DCC: variants seen among roughly 807,000 people sequenced by gnomAD.
The protein encoded by DCC is netrin receptor DCC.
DCC carries 58 observed loss-of-function variants against 172.5 expected under a neutral mutation model. The observed-to-expected ratio is 0.34, with a 90% CI of 0.27 to 0.42. The LOEUF (loss-of-function observed/expected upper bound fraction) is 0.42. DCC is among the 10% of genes least tolerant of loss of function. The pLI, the probability that DCC is intolerant of heterozygous loss-of-function variation, is 1.00. For synonymous variants in DCC, 709 were observed against 644.5 expected (o/e 1.10, Z -1.52); for missense variants, 1,740 against 1,791.0 (o/e 0.97, Z 0.51).
intron 5 of DCC, among the ~76,000 whole-genome samples, chr18:53,047,495 T>TG (rs1385380836): frequency 1.1e-5 from 1 of 92,624 alleles, no homozygotes; most frequent in South Asian, 3.9e-4. Context: ...CTTTTTTTTA[T>TG]TAAACTGAGA....
At chr18:53,027,329 G>T (rs1038134544) in intron 5 of DCC, among the ~76,000 whole-genome samples, 1 of 152,170 alleles carries the variant, frequency 6.6e-6, no homozygotes, top group African/African-American at 2.4e-5. Flanking sequence ...AAGCCTCAGA[G>T]AATCCATCCT....
chr18:53,246,270 C>T (rs1598943141), intron 12 of DCC, among the ~76,000 whole-genome samples: 1 of 151,992 alleles, frequency 6.6e-6, no homozygotes, highest in East Asian at 1.9e-4. Context: ...ATTTTATTCT[C>T]AAGCAGGGGT....
At chr18:52,484,800 A>C (rs1342476554) in intron 1 of DCC, among the ~76,000 whole-genome samples, 1 of 150,796 alleles carries the variant, frequency 6.6e-6, no homozygotes, top group African/African-American at 2.5e-5. Context: ...ACTTATAGTA[A>C]AATTTTTTAA....
intron 7 of DCC, among the ~76,000 whole-genome samples, chr18:53,116,156 C>T (rs1029504726): frequency 5.3e-5 from 8 of 151,676 alleles, no homozygotes; most frequent in African/African-American, 1.9e-4. Flanking sequence ...TGTCCAGGTT[C>T]TTGGCCACTT....
intron 1 of DCC, among the ~76,000 whole-genome samples, chr18:52,342,490 T>A (rs1217182297): frequency 6.6e-6 from 1 of 151,834 alleles, no homozygotes; most frequent in East Asian, 2.0e-4. Flanking sequence ...TCCACAGTAA[T>A]GAATAGGTGT....
At chr18:52,600,323 G>T (rs761123002) in intron 1 of DCC, among the ~76,000 whole-genome samples, 115 of 152,224 alleles carry the variant, frequency 7.6e-4, no homozygotes, top group Non-Finnish European at 1.4e-3. Context: ...GCATGTACAT[G>T]TGAACCTGAT....
At chr18:52,729,029 AC>A (rs1046998991) in intron 1 of DCC, among the ~76,000 whole-genome samples, 24 of 152,354 alleles carry the variant, frequency 1.6e-4, no homozygotes, top group African/African-American at 5.8e-4. Flanking sequence ...TCGGATTTTA[AC>A]AATTGAATTT....
At chr18:52,777,541 C>T (rs1463309693) in intron 2 of DCC, among the ~76,000 whole-genome samples, 1 of 152,114 alleles carries the variant, frequency 6.6e-6, no homozygotes, top group Non-Finnish European at 1.5e-5. Context: ...TCCTTAATTA[C>T]AAAAATCCTT....
chr18:52,449,647 C>G (rs1445871766), intron 1 of DCC, among the ~76,000 whole-genome samples: 5 of 152,186 alleles, frequency 3.3e-5, no homozygotes, highest in Non-Finnish European at 7.4e-5. Context: ...TTATTTGTCA[C>G]TCATGTACTC....
At chr18:52,372,282 G>T (rs1309093390) in intron 1 of DCC, among the ~76,000 whole-genome samples, 1 of 152,152 alleles carries the variant, frequency 6.6e-6, no homozygotes, top group African/African-American at 2.4e-5. Context: ...AACCCTCTGG[G>T]GATTGGTTGT....
chr18:52,796,868 T>C (rs1224601150), intron 2 of DCC, among the ~76,000 whole-genome samples: 1 of 152,172 alleles, frequency 6.6e-6, no homozygotes, highest in Non-Finnish European at 1.5e-5. Flanking sequence ...TTTCAAGACT[T>C]GGGAAGTTTT....
Position 52,519,980 on chromosome 18 carries a change from AG to A in DCC, c.91+179103del, listed in dbSNP as rs536451719. Among the ~76,000 whole-genome samples, 757 of 152,272 alleles carry A rather than the reference AG, an allele frequency of 5.0e-3. 4 individuals are homozygous for A. Among genetic ancestry groups the A allele is most frequent in the Middle Eastern group, 0.01 (3 of 294 alleles). ...CCTCCCATTGTATCTCAAGAGTAAAAGCTTACTCAGTTAATGGCAAGTTATT... is the reference window on the plus strand; with the variant it reads ...CCTCCCATTGTATCTCAAGAGTAAAACTTACTCAGTTAATGGCAAGTTATT... On this transcript the variant is annotated intron_variant, in intron 1 of 28. Transcript: ENST00000442544.
At chr18:53,471,742 C>A (rs1216019790) in intron 25 of DCC, among the ~76,000 whole-genome samples, 2 of 152,202 alleles carry the variant, frequency 1.3e-5, no homozygotes, top group South Asian at 2.1e-4. Context: ...CATGTCTTAT[C>A]CCCCATTTCT....
At chr18:52,657,386 G>A (rs979747030) in intron 1 of DCC, among the ~76,000 whole-genome samples, 5 of 152,172 alleles carry the variant, frequency 3.3e-5, no homozygotes, top group African/African-American at 7.2e-5. Flanking sequence ...AGAATTTCCC[G>A]GGATTCTAAA....
intron 2 of DCC, among the ~76,000 whole-genome samples, chr18:52,789,342 CAT>C (rs748920381): frequency 2.6e-5 from 4 of 152,016 alleles, no homozygotes; most frequent in Admixed American, 2.6e-4. Context: ...TAGGGCCTCT[CAT>C]GTGTACATTA....
intron 7 of DCC, among the ~76,000 whole-genome samples, chr18:53,122,771 GA>G (rs1300660956): frequency 6.6e-6 from 1 of 152,034 alleles, no homozygotes; most frequent in Non-Finnish European, 1.5e-5. Context: ...AGAAGGAATG[GA>G]AAATCACTTA....
intron 1 of DCC, among the ~76,000 whole-genome samples, chr18:52,445,096 T>A (rs1988081919): frequency 6.6e-6 from 1 of 152,138 alleles, no homozygotes; most frequent in South Asian, 2.1e-4. Context: ...ACATCCATAA[T>A]AAGGGCATTA....
intron 1 of DCC, among the ~76,000 whole-genome samples, chr18:52,648,266 C>T (rs1185314454): frequency 6.6e-6 from 1 of 152,180 alleles, no homozygotes; most frequent in Admixed American, 6.5e-5. Context: ...GGAGTATTTA[C>T]ACCACAGAAA....
At chr18:53,409,345 A>C (rs1599117870) in intron 19 of DCC, among the ~76,000 whole-genome samples, 1 of 152,286 alleles carries the variant, frequency 6.6e-6, no homozygotes, top group East Asian at 1.9e-4. Context: ...AAAGGAAAGA[A>C]TAGGTAAATC....
Sources: gnomAD v4.1 joint callset for allele counts (sites outside exome capture counted in the v4.1 genomes callset) on GRCh38, gnomAD v4.1.1 for gene constraint, MANE v1.5 for transcripts, NCBI Gene and HGNC (gene_info 2026-07-23, HGNC 2026-07-21) for gene names.